Variants in CDK7 observed in about 807,000 individuals in gnomAD.
The protein encoded by CDK7 is cyclin-dependent kinase 7.
A neutral mutation model predicts 49.1 loss-of-function variants in CDK7; 25 were observed. That is an observed-to-expected ratio of 0.51 (90% CI 0.37 to 0.71). The LOEUF is 0.71. CDK7 is among the 30% of genes least tolerant of loss of function. The pLI is 0.00. For missense variants in CDK7, 316 were observed against 411.7 expected, an observed-to-expected ratio of 0.77 and a Z score of 2.01; for synonymous variants, 107 against 140.0, an observed-to-expected ratio of 0.76 and a Z score of 1.67.
At chr5:69,249,580 G>A (rs1750003941) in intron 2 of CDK7, among the ~76,000 whole-genome samples, 1 of 151,972 alleles carries the variant, frequency 6.6e-6, no homozygotes, top group South Asian at 2.1e-4. Flanking sequence ...GGGTATGGTG[G>A]CTGACACTAG....
intron 6 of CDK7, 34 bp downstream of exon 6, chr5:69,258,187 CAA>C (rs1251830274): frequency 6.1e-6 from 6 of 986,626 alleles, no homozygotes; most frequent in Non-Finnish European, 9.1e-6. Flanking sequence ...TTATACTAGT[CAA>C]GTTTTATATA....
intron 6 of CDK7, among the ~76,000 whole-genome samples, chr5:69,259,579 A>G (rs373358217): frequency 8.4e-4 from 128 of 152,296 alleles, no homozygotes; most frequent in Non-Finnish European, 1.3e-3. Flanking sequence ...TCCTCACAGA[A>G]ACTCTATGAA....
intron 10 of CDK7, among the ~76,000 whole-genome samples, chr5:69,275,785 C>A (rs895826053): frequency 1.3e-5 from 2 of 152,050 alleles, no homozygotes; most frequent in Non-Finnish European, 2.9e-5. Flanking sequence ...ACAAGCCTGG[C>A]CAATATAGCA....
intron 8 of CDK7, among the ~76,000 whole-genome samples, chr5:69,267,958 A>C (rs1751271780): frequency 6.6e-6 from 1 of 152,006 alleles, no homozygotes; most frequent in African/African-American, 2.4e-5. Flanking sequence ...ATATCCTTTT[A>C]GTTTTTTTGT....
intron 8 of CDK7, among the ~76,000 whole-genome samples, chr5:69,267,020 A>G (rs1299098031): frequency 6.6e-6 from 1 of 152,196 alleles, no homozygotes; most frequent in Non-Finnish European, 1.5e-5. Flanking sequence ...AGGTTCATGT[A>G]TTTAATACAA....
upstream of CDK7, chr5:69,234,869 G>T: frequency 8.8e-7 from 1 of 1,138,848 alleles, no homozygotes; most frequent in Non-Finnish European, 1.3e-6. Flanking sequence ...CTAAAGCGAC[G>T]GAGCCCGGTG....
chr5:69,235,407 A>G lies in CDK7; in HGVS notation c.80A>G (p.Tyr27Cys), dbSNP rs1383409705. The G allele has an allele frequency of 6.2e-7, 1 of 1,603,836 alleles. No individual in the cohort carries two copies. The highest frequency in any genetic ancestry group is 1.7e-5 in the Admixed American group (1 of 59,996). ...FLGEGQFATV[Y>C]KARDKNTNQI... ...TTTTCTTTCTAGTTTGCCACCGTTTACAAGGCCAGAGATAAGAACACCAAC... is the reference window on the plus strand; with the variant it reads ...TTTTCTTTCTAGTTTGCCACCGTTTGCAAGGCCAGAGATAAGAACACCAAC... The change falls in exon 2 of 12, where the codon TAC (tyrosine) becomes TGC (cysteine). Residue 27 changes from tyrosine (Y) to cysteine (C), a missense_variant. Tyr to Cys is a radical substitution (Grantham distance 194). Coordinates refer to ENST00000256443, the MANE Select transcript of CDK7 (RefSeq NM_001799.4).
In CDK7 at chr5:69,252,494, CTTTTTTTTTTTTTT is replaced by C. The variant is rs138764556; in HGVS notation, c.160+60_160+73del. ...TCTGACAGATAGGAAAAGTTTTCTC[CTTTTTTTTTTTTTT>C]TTTTTTTTTTTTTTTTAAAAAGACA... On this transcript the variant is annotated intron_variant, in intron 3 of 11. Coordinates refer to ENST00000256443, the MANE Select transcript of CDK7 (RefSeq NM_001799.4). 267 of 364,308 alleles carry C rather than the reference CTTTTTTTTTTTTTT, an allele frequency of 7.3e-4. 1 individual carries two copies. In the African/African-American group the frequency reaches 8.1e-3, roughly 11 times the overall value. The allele number at this position is 364,308 out of a possible 1,614,324, so 22.6% of individuals were successfully genotyped here.
chr5:69,262,420 G>C (rs1750888232), intron 8 of CDK7, 116 bp downstream of exon 8: 1 of 1,393,620 alleles, frequency 7.2e-7, no homozygotes, highest in Non-Finnish European at 1.0e-6. Flanking sequence ...TGTAATCCCA[G>C]CACTTTGGGA....
intron 2 of CDK7, among the ~76,000 whole-genome samples, chr5:69,237,787 A>T (rs1394610977): frequency 6.6e-6 from 1 of 152,128 alleles, no homozygotes; most frequent in East Asian, 1.9e-4. Context: ...CCCTGTCTCT[A>T]CTAAAATACA....
Position 69,272,913 on chromosome 5 carries a change from T to A in CDK7, c.736T>A (p.Tyr246Asn). 1 of 1,593,200 alleles carries A rather than the reference T, an allele frequency of 6.3e-7. No individual in the cohort carries two copies. Among genetic ancestry groups the A allele is most frequent in the South Asian group, 1.1e-5 (1 of 87,704 alleles). The change falls in exon 10 of 12, where the codon TAT becomes AAT. Residue 246 changes from tyrosine (Y) to asparagine (N), a missense_variant. Physicochemically the swap from Tyr to Asn is moderately radical, Grantham distance 143. Transcript: ENST00000256443. ...ACAGGACATGTGTAGTCTTCCAGAT[T>A]ATGTGACATTTAAGAGTTTCCCTGG... ...QWPDMCSLPD[Y>N]VTFKSFPGIP...
intron 2 of CDK7, among the ~76,000 whole-genome samples, chr5:69,249,480 T>A (rs1749994404): frequency 1.3e-5 from 2 of 151,682 alleles, no homozygotes; most frequent in South Asian, 2.1e-4. Flanking sequence ...GAGGCGGAGG[T>A]TGCAGTGAGC....
chr5:69,255,582 C>A, intron 5 of CDK7, 54 bp downstream of exon 5: 1 of 1,249,532 alleles, frequency 8.0e-7, no homozygotes, highest in South Asian at 1.2e-5. Context: ...CAAACAAGAA[C>A]CTAAATATTT....
intron 2 of CDK7, among the ~76,000 whole-genome samples, chr5:69,236,762 C>T (rs1300508177): frequency 6.6e-6 from 1 of 151,766 alleles, no homozygotes; most frequent in East Asian, 1.9e-4. Flanking sequence ...AGCACTTCTC[C>T]TGTCTCAGCC....
intron 5 of CDK7, among the ~76,000 whole-genome samples, chr5:69,257,363 A>C (rs1750556717): frequency 6.6e-6 from 1 of 152,214 alleles, no homozygotes. Flanking sequence ...TTTAGTTCCT[A>C]ACTGATAAAT....
chr5:69,270,655 A>G (rs75190841), intron 9 of CDK7, among the ~76,000 whole-genome samples: 2 of 152,284 alleles, frequency 1.3e-5, no homozygotes, highest in African/African-American at 2.4e-5. Context: ...GCAATCACTA[A>G]TTTGTTCTCC....
intron 5 of CDK7, among the ~76,000 whole-genome samples, chr5:69,256,466 G>C (rs549969564): frequency 5.5e-4 from 83 of 152,072 alleles, no homozygotes; most frequent in African/African-American, 1.8e-3. Context: ...CAATTCTTGT[G>C]CCTCAGCCTC....
Position 69,255,693 on chromosome 5 carries a change from C to A in CDK7, c.297+165C>A, listed in dbSNP as rs748409102. The A allele has an allele frequency of 3.7e-5, 25 of 672,776 alleles. 2 individuals are homozygous for A. The South Asian group carries it at 3.9e-4, about 11-fold the overall frequency. The allele number at this position is 672,776 out of a possible 1,614,324, so 41.7% of individuals were successfully genotyped here. On this transcript the variant is annotated intron_variant, in intron 5 of 11. Coordinates refer to ENST00000256443, the MANE Select transcript of CDK7 (RefSeq NM_001799.4). ...CAAAAGGATCTCTAGTTATTTTCTT[C>A]TAATCATTTAGTGATATCCCCAGTG...
At chr5:69,275,415 TTTTAAG>T (rs1319272340) in intron 10 of CDK7, among the ~76,000 whole-genome samples, 1 of 152,166 alleles carries the variant, frequency 6.6e-6, no homozygotes, top group Non-Finnish European at 1.5e-5. Context: ...TGTAAGTTCT[TTTTAAG>T]TTTCTCTCTT....
Sources: allele counts gnomAD v4.1 joint callset (sites outside exome capture counted in the v4.1 genomes callset), GRCh38; gene constraint gnomAD v4.1.1; transcripts MANE v1.5; gene names NCBI Gene and HGNC (gene_info 2026-07-23, HGNC 2026-07-21).